Variants in FOXP4 observed in about 807,000 individuals in gnomAD.
FOXP4 encodes the protein forkhead box protein P4.
Under a neutral mutation model 82.6 loss-of-function variants are expected in FOXP4, and 25 were observed. The observed-to-expected ratio is 0.30, with a 90% CI of 0.22 to 0.42. The LOEUF is 0.42. FOXP4 is among the 10% of genes least tolerant of loss of function. FOXP4 has a pLI of 1.00. For missense variants in FOXP4, 785 were observed against 900.9 expected, an observed-to-expected ratio of 0.87 and a Z score of 1.65; for synonymous variants, 415 against 388.2, an observed-to-expected ratio of 1.07 and a Z score of -0.81.
chr6:41,574,705 T>C lies in FOXP4; in HGVS notation c.205-3281T>C, dbSNP rs118073862. 8.0e-4 allele frequency among the ~76,000 whole-genome samples: 122 copies of C among 152,308 alleles called. 2 individuals carry two copies. In the East Asian group the frequency reaches 0.022, roughly 27 times the overall value. On this transcript the variant is annotated intron_variant, in intron 2 of 16. Transcript: ENST00000307972. ...CATTATTTCCCACGTCTCTCTGAGG[T>C]GGGCAGTCCAGTGATCTCCAGGCCG... is the stretch of plus-strand genomic sequence containing the variant.
At position 41,591,381 on chromosome 6, in the gene FOXP4, A is replaced by T; in HGVS notation, c.1536+59A>T. On this transcript the variant is annotated intron_variant, in intron 13 of 16. Coordinates refer to ENST00000307972, the MANE Select transcript of FOXP4 (RefSeq NM_001012426.2). This position sits in a 1 kb window ranked among gnomAD's most constrained non-coding sequence, Gnocchi z 4.2. Reference sequence around the variant, plus strand: ...GTCACCCTTGGACCTGCCATATCCCATGGAGACCAAGGCTGCCTAACAATT... The same window carrying T: ...GTCACCCTTGGACCTGCCATATCCCTTGGAGACCAAGGCTGCCTAACAATT... The T allele has an allele frequency of 1.4e-6, 2 of 1,382,496 alleles. No individual in the cohort carries two copies. The highest frequency in any genetic ancestry group is 2.0e-6 in the Non-Finnish European group (2 of 995,392). 85.6% of individuals were successfully genotyped at this position (1,382,496 alleles called of 1,614,324 possible).
At chr6:41,573,467 C>A (rs1765310814) in intron 2 of FOXP4, among the ~76,000 whole-genome samples, 1 of 152,130 alleles carries the variant, frequency 6.6e-6, no homozygotes, top group South Asian at 2.1e-4. Flanking sequence ...CTGCTAATGA[C>A]TTCTGAATGG....
chr6:41,597,808 C>A lies in FOXP4; in HGVS notation c.1753C>A (p.Leu585Ile). 1 of 1,607,448 alleles carries A rather than the reference C, an allele frequency of 6.2e-7. No homozygotes were observed. The highest frequency in any genetic ancestry group is 8.5e-7 in the Non-Finnish European group (1 of 1,179,144). Reference sequence around the variant, plus strand: ...CGCCCTGGCCGAGAGCAGCTTCCCCCTCCTCAACAGCCCTGGCATGCTGAA... The same window carrying A: ...CGCCCTGGCCGAGAGCAGCTTCCCCATCCTCAACAGCCCTGGCATGCTGAA... ...QAALAESSFP[L>I]LNSPGMLNPG... The change falls in exon 16 of 17, where the codon CTC becomes ATC. Residue 585 changes from leucine (L) to isoleucine (I), a missense_variant. Leu to Ile is a conservative substitution (Grantham distance 5). Coordinates refer to ENST00000307972, the MANE Select transcript of FOXP4 (RefSeq NM_001012426.2).
At chr6:41,570,531 T>C (rs1157742243) in intron 2 of FOXP4, 1 of 380,064 alleles carries the variant, frequency 2.6e-6, no homozygotes, top group Non-Finnish European at 5.5e-6. Context: ...GTTGGAAAAT[T>C]CCCCTAGGAG....
chr6:41,582,691 T>G (rs999678133), intron 3 of FOXP4, among the ~76,000 whole-genome samples: 2 of 151,026 alleles, frequency 1.3e-5, no homozygotes, highest in Non-Finnish European at 2.9e-5. Context: ...GGCTCTGGAG[T>G]TGGGTCTATG....
Position 41,587,825 on chromosome 6 carries a change from C to G in FOXP4, c.905C>G (p.Pro302Arg). Residue 302 changes from proline to arginine, a missense_variant, in exon 8 of 17, where the codon CCC becomes CGC. Around this residue, in one of 3 missense-constraint regions of FOXP4, gnomAD observed 570 missense variants for 634.0 expected, o/e 0.90. Transcript: ENST00000307972. ...CACGAGGAGACCCCCGGCTCCCACC[C>G]CCTGTACGGACACGGAGAGTGCAAG... ...SSHEETPGSHPLYGHGECKWP... is the reference protein window; with the variant it reads ...SSHEETPGSHRLYGHGECKWP... 1 of 1,570,702 alleles carries G rather than the reference C, an allele frequency of 6.4e-7. No individual in the cohort carries two copies. Among genetic ancestry groups the G allele is most frequent in the Non-Finnish European group, 8.6e-7 (1 of 1,156,312 alleles).
At position 41,593,970 on chromosome 6, in the gene FOXP4, G is replaced by A. The variant is rs1449279431; in HGVS notation, c.1537-900G>A. Among the ~76,000 whole-genome samples the A allele has an allele frequency of 6.7e-6, 1 of 149,792 alleles. No individual in the cohort carries two copies. Among genetic ancestry groups the A allele is most frequent in the African/African-American group, 2.5e-5 (1 of 40,806 alleles). The stretch of plus-strand genomic sequence containing the variant: ...GGGTCCAGGGATGCAGGCAGGGATG[G>A]TGATAACTGGGAGCTGGCCGTGGGG... On this transcript the variant is annotated intron_variant, in intron 13 of 16. Coordinates refer to ENST00000307972, the MANE Select transcript of FOXP4 (RefSeq NM_001012426.2). This position sits in a 1 kb window ranked among gnomAD's most constrained non-coding sequence, Gnocchi z 4.1.
At chr6:41,556,166 G>A (rs1764264982) in intron 1 of FOXP4, among the ~76,000 whole-genome samples, 1 of 152,032 alleles carries the variant, frequency 6.6e-6, no homozygotes, top group African/African-American at 2.4e-5. Context: ...AGAGCCACCT[G>A]GTTTCAGTTT....
At chr6:41,576,163 A>C (rs1321285496) in intron 2 of FOXP4, among the ~76,000 whole-genome samples, 1 of 152,030 alleles carries the variant, frequency 6.6e-6, no homozygotes, top group Non-Finnish European at 1.5e-5. Context: ...CCCCTCTGGA[A>C]GCCCAGGGCA....
intron 16 of FOXP4, among the ~76,000 whole-genome samples, chr6:41,598,476 C>T (rs1001113753): frequency 4.6e-5 from 7 of 152,138 alleles, no homozygotes; most frequent in African/African-American, 1.2e-4. Flanking sequence ...CCTCGCCCTC[C>T]CAAAATGCTG....
At chr6:41,566,832 A>G (rs1234286422) in intron 2 of FOXP4, among the ~76,000 whole-genome samples, 1 of 152,128 alleles carries the variant, frequency 6.6e-6, no homozygotes, top group Non-Finnish European at 1.5e-5. Context: ...TGCTAGGAAC[A>G]TGGAGAAGCA....
At chr6:41,560,099 ATTATACAGAG>A (rs1171609954) in intron 1 of FOXP4, among the ~76,000 whole-genome samples, 5 of 152,192 alleles carry the variant, frequency 3.3e-5, no homozygotes, top group African/African-American at 1.2e-4. Context: ...AGTTCTCCCC[ATTATACAGAG>A]AAGAAAAGAG....
chr6:41,550,953 A>G (rs995114525), intron 1 of FOXP4, among the ~76,000 whole-genome samples: 3 of 152,194 alleles, frequency 2.0e-5, no homozygotes, highest in African/African-American at 7.2e-5. Context: ...TTTGGGACCT[A>G]TCACTGAATG....
intron 1 of FOXP4, among the ~76,000 whole-genome samples, chr6:41,562,788 AG>A (rs1764660074): frequency 6.6e-6 from 1 of 152,232 alleles, no homozygotes; most frequent in Non-Finnish European, 1.5e-5. Context: ...CAGCAGAGCC[AG>A]GGTTGGGGGA....
chr6:41,586,031 G>A (rs146763926), intron 5 of FOXP4, among the ~76,000 whole-genome samples: 3 of 151,492 alleles, frequency 2.0e-5, no homozygotes, highest in Admixed American at 6.6e-5. Context: ...CTACCCCATC[G>A]GAGCTTCTAT....
rs1269199713 is a variant in FOXP4 at position 41,600,767 on chromosome 6, C to CT, written c.*1832dup. The stretch of plus-strand genomic sequence containing the variant: ...CTGTGAGTGGATGGAATGAGCAGCC[C>CT]TGCAGGGGCGCTGGGCATGTGCCCT... On this transcript the variant is annotated 3_prime_UTR_variant, in exon 17 of 17. Coordinates refer to ENST00000307972, the MANE Select transcript of FOXP4 (RefSeq NM_001012426.2). 2 of 152,296 alleles carry CT rather than the reference C, an allele frequency of 1.3e-5. No homozygotes were observed. The highest frequency in any genetic ancestry group is 2.9e-5 in the Non-Finnish European group (2 of 68,112). The allele number at this position is 152,296 out of a possible 1,614,324, so 9.4% of individuals were successfully genotyped here. A position where few individuals can be genotyped will look rare whatever the true frequency, so the allele number is the denominator to read the frequency against.
In FOXP4 at chr6:41,599,216, C is replaced by T. The variant is rs542821243; in HGVS notation, c.*280C>T. 6.1e-5 allele frequency: 18 copies of T among 294,818 alleles called. No homozygotes were observed. In the South Asian group the frequency reaches 1.6e-3, roughly 26 times the overall value. The allele number at this position is 294,818 out of a possible 1,614,324, so 18.3% of individuals were successfully genotyped here. A position where few individuals can be genotyped will look rare whatever the true frequency, so the allele number is the denominator to read the frequency against. ...TCCCCACATCTGAAACTGCCTCCCC[C>T]CAACCACCAGCAGCAGCAGGGCCCT... On this transcript the variant is annotated 3_prime_UTR_variant, in exon 17 of 17. Coordinates refer to ENST00000307972, the MANE Select transcript of FOXP4 (RefSeq NM_001012426.2).
chr6:41,591,436 C>A lies in FOXP4; in HGVS notation c.1536+114C>A. On this transcript the variant is annotated intron_variant, in intron 13 of 16. Coordinates refer to ENST00000307972, the MANE Select transcript of FOXP4 (RefSeq NM_001012426.2). This position sits in a 1 kb window ranked among gnomAD's most constrained non-coding sequence, Gnocchi z 4.2. ...CCCTAAACCATTAGTCCTGCAGAAA[C>A]AGCCACCCAAGGGCCCAGCCAGGGC... is the stretch of plus-strand genomic sequence containing the variant. 1.1e-6 allele frequency: 1 copy of A among 933,424 alleles called. No individual in the cohort carries two copies. The highest frequency in any genetic ancestry group is 1.7e-6 in the Non-Finnish European group (1 of 603,384). 57.8% of individuals were successfully genotyped at this position (933,424 alleles called of 1,614,324 possible).
At chr6:41,564,748 T>G (rs1764779918) in intron 1 of FOXP4, among the ~76,000 whole-genome samples, 1 of 151,980 alleles carries the variant, frequency 6.6e-6, no homozygotes, top group African/African-American at 2.4e-5. Flanking sequence ...TTAACCTTAC[T>G]GAGTGTCTAC....
Sources: gnomAD v4.1 joint callset for allele counts (sites outside exome capture counted in the v4.1 genomes callset) on GRCh38, gnomAD v4.1.1 for gene constraint, gnomAD v4.1.1 regional missense constraint, Gnocchi (gnomAD v3.1) non-coding constraint, MANE v1.5 for transcripts, NCBI Gene and HGNC (gene_info 2026-07-23, HGNC 2026-07-21) for gene names.